Variants in YPEL2 observed in about 807,000 individuals in gnomAD.
The protein encoded by YPEL2 is protein yippee-like 2.
Under a neutral mutation model 19.1 loss-of-function variants are expected in YPEL2, and 2 were observed. That is an observed-to-expected ratio of 0.10 (90% CI 0.04 to 0.33). The LOEUF (loss-of-function observed/expected upper bound fraction) is 0.33, where lower values mean the gene tolerates loss of function less well. Ranked by LOEUF, YPEL2 falls within the 10% of genes least tolerant of loss-of-function variation. The pLI, the probability that YPEL2 is intolerant of heterozygous loss-of-function variation, is 1.00. For missense variants in YPEL2, 66 were observed against 140.7 expected, an observed-to-expected ratio of 0.47 and a Z score of 2.68; for synonymous variants, 52 against 50.0, an observed-to-expected ratio of 1.04 and a Z score of -0.17.
At chr17:59,372,660 G>T (rs975196700) in intron 2 of YPEL2, among the ~76,000 whole-genome samples, 1 of 152,322 alleles carries the variant, frequency 6.6e-6, no homozygotes, top group Middle Eastern at 3.4e-3. Flanking sequence ...AGAATGCCCT[G>T]TGTTTAGATG....
intron 2 of YPEL2, among the ~76,000 whole-genome samples, chr17:59,379,856 T>TTTTTGTTTTGTTTTGTTTTGTTTTG (rs138395997): frequency 0.059 from 8,848 of 149,258 alleles, 659 homozygotes; most frequent in African/African-American, 0.16. Context: ...AAGTTTGGGG[T>TTTTTGTTTTGTTTTGTTTTGTTTTG]TTTTGTTTTG....
chr17:59,376,796 G>C (rs1380808763), intron 2 of YPEL2, among the ~76,000 whole-genome samples: 2 of 151,620 alleles, frequency 1.3e-5, no homozygotes, highest in East Asian at 3.9e-4. Flanking sequence ...TTGCTTATTA[G>C]AAAATAGTCA....
At chr17:59,343,360 G>C in intron 1 of YPEL2, among the ~76,000 whole-genome samples, 1 of 152,178 alleles carries the variant, frequency 6.6e-6, no homozygotes, top group Non-Finnish European at 1.5e-5. Flanking sequence ...GACACTACTG[G>C]GGGTGGGGTT....
At chr17:59,385,579 A>T (rs1357816086) in intron 2 of YPEL2, among the ~76,000 whole-genome samples, 1 of 152,074 alleles carries the variant, frequency 6.6e-6, no homozygotes, top group Non-Finnish European at 1.5e-5. Flanking sequence ...CCTTGTCTCA[A>T]AAAAAGATTC....
Position 59,399,919 on chromosome 17 carries a change from A to AGGGGCGGGGTGTGGGGAGTC in YPEL2, c.*2730_*2731insGGGCGGGGTGTGGGGAGTCG, listed in dbSNP as rs2048061591. 6.6e-6 allele frequency: 1 copy of AGGGGCGGGGTGTGGGGAGTC among 152,560 alleles called. No individual in the cohort carries two copies. Among genetic ancestry groups the AGGGGCGGGGTGTGGGGAGTC allele is most frequent in the East Asian group, 1.9e-4 (1 of 5,196 alleles). The allele number at this position is 152,560 out of a possible 1,614,324, so 9.5% of individuals were successfully genotyped here. ...AGTTTGGGGGCGGGGTGTTGGGAGT[A>AGGGGCGGGGTGTGGGGAGTC]GAGACAGGGTAAGGGGACGTGAGAA... On this transcript the variant is annotated 3_prime_UTR_variant, in exon 5 of 5. Transcript: ENST00000312655.
chr17:59,348,361 C>A (rs1337923639), intron 1 of YPEL2, among the ~76,000 whole-genome samples: 1 of 152,212 alleles, frequency 6.6e-6, no homozygotes, highest in Non-Finnish European at 1.5e-5. Flanking sequence ...TCATTCCTCA[C>A]GTTCCTTTGT....
chr17:59,393,667 G>T (rs1457090296), intron 4 of YPEL2, among the ~76,000 whole-genome samples: 1 of 147,162 alleles, frequency 6.8e-6, no homozygotes, highest in African/African-American at 2.5e-5. Context: ...GCGGCCTTCC[G>T]CAGTGTTTGT....
rs549975827 is a variant in YPEL2, at chr17:59,401,618, T to G, written c.*4428T>G. The G allele has an allele frequency of 6.5e-6, 1 of 152,800 alleles. No homozygotes were observed. The highest frequency in any genetic ancestry group is 2.1e-4 in the South Asian group (1 of 4,826). 9.5% of individuals were successfully genotyped at this position (152,800 alleles called of 1,614,324 possible). A position where few individuals can be genotyped will look rare whatever the true frequency, so the allele number is the denominator to read the frequency against. On this transcript the variant is annotated 3_prime_UTR_variant, in exon 5 of 5. Coordinates refer to ENST00000312655, the MANE Select transcript of YPEL2 (RefSeq NM_001005404.4). The stretch of plus-strand genomic sequence containing the variant: ...GTTTTCAAATAATTTGTCTTCACCT[T>G]TTCCTGTATTTGTACATAGTGATTC...
intron 2 of YPEL2, among the ~76,000 whole-genome samples, chr17:59,374,984 C>T (rs1416465555): frequency 6.6e-6 from 1 of 152,074 alleles, no homozygotes; most frequent in African/African-American, 2.4e-5. Flanking sequence ...TGTTACAGTG[C>T]CAAGGATCTA....
intron 4 of YPEL2, among the ~76,000 whole-genome samples, chr17:59,390,961 T>TC (rs1232133991): frequency 1.3e-5 from 2 of 152,222 alleles, no homozygotes; most frequent in Non-Finnish European, 2.9e-5. Flanking sequence ...AACACTTAGG[T>TC]CATCACCTTG....
At chr17:59,340,455 G>A (rs1382613085) in intron 1 of YPEL2, among the ~76,000 whole-genome samples, 3 of 149,182 alleles carry the variant, frequency 2.0e-5, no homozygotes, top group Non-Finnish European at 4.4e-5. Flanking sequence ...TTGCTCTGTC[G>A]CCCAGGCTGG....
intron 2 of YPEL2, among the ~76,000 whole-genome samples, chr17:59,356,699 G>A (rs764579341): frequency 3.3e-5 from 5 of 152,218 alleles, no homozygotes; most frequent in Non-Finnish European, 7.3e-5. Context: ...ATAAACCACA[G>A]AAGTTTATTT....
rs1354409012 is a variant in YPEL2, at chr17:59,399,922, G to GA, written c.*2733dup. ...TTGGGGGCGGGGTGTTGGGAGTAGA[G>GA]ACAGGGTAAGGGGACGTGAGAAAGG... On this transcript the variant is annotated 3_prime_UTR_variant, in exon 5 of 5. Coordinates refer to ENST00000312655, the MANE Select transcript of YPEL2 (RefSeq NM_001005404.4). 2 of 152,602 alleles carry GA rather than the reference G, an allele frequency of 1.3e-5. No homozygotes were observed. The highest frequency in any genetic ancestry group is 3.9e-4 in the East Asian group (2 of 5,192). 9.5% of individuals were successfully genotyped at this position (152,602 alleles called of 1,614,324 possible). A position where few individuals can be genotyped will look rare whatever the true frequency, so the allele number is the denominator to read the frequency against.
Position 59,353,493 on chromosome 17 carries a change from T to C in YPEL2, c.84T>C (p.Ala28=). ...HRTYSCIHCR[A]HLANHDELIS... Reference sequence around the variant, plus strand: ...CCTACAGCTGCATTCACTGCAGAGCTCACTTGGCCAATCATGATGAACTAA... The same window carrying C: ...CCTACAGCTGCATTCACTGCAGAGCCCACTTGGCCAATCATGATGAACTAA... The change falls in exon 2 of 5, where the codon GCT becomes GCC. Residue 28 remains alanine (A), a synonymous_variant. Coordinates refer to ENST00000312655, the MANE Select transcript of YPEL2 (RefSeq NM_001005404.4). The surrounding 1 kb of genome is among the most constrained non-coding windows in gnomAD (Gnocchi z 4.8). 1 of 1,614,174 alleles carries C rather than the reference T, an allele frequency of 6.2e-7. No homozygotes were observed. Among genetic ancestry groups the C allele is most frequent in the Non-Finnish European group, 8.5e-7 (1 of 1,180,000 alleles).
chr17:59,348,250 A>T (rs1404009024), intron 1 of YPEL2, among the ~76,000 whole-genome samples: 1 of 152,250 alleles, frequency 6.6e-6, no homozygotes, highest in Non-Finnish European at 1.5e-5. Context: ...CCTTGGGGCC[A>T]GCCTTGTCTC....
chr17:59,368,363 C>T (rs185186766), intron 2 of YPEL2, among the ~76,000 whole-genome samples: 135 of 152,274 alleles, frequency 8.9e-4, no homozygotes, highest in Non-Finnish European at 1.6e-3. Flanking sequence ...GGATTGCAGG[C>T]GTGAACCGTG....
At chr17:59,379,310 T>C (rs1011792079) in intron 2 of YPEL2, among the ~76,000 whole-genome samples, 3 of 152,212 alleles carry the variant, frequency 2.0e-5, no homozygotes, top group African/African-American at 7.2e-5. Flanking sequence ...GAATGGAACC[T>C]ATAGCTTACT....
At position 59,353,240 on chromosome 17, in the gene YPEL2, C is replaced by T. The variant is rs1030629790; in HGVS notation, c.-170C>T. ...GCTGCTGAGAACTAGCCCTAGACCT[C>T]TGCGTGAGGGTTCTTCTGCCGAAGA... On this transcript the variant is annotated 5_prime_UTR_variant, in exon 2 of 5. Coordinates refer to ENST00000312655, the MANE Select transcript of YPEL2 (RefSeq NM_001005404.4). The surrounding 1 kb of genome is among the most constrained non-coding windows in gnomAD (Gnocchi z 4.8). 2 of 579,178 alleles carry T rather than the reference C, an allele frequency of 3.5e-6. No homozygotes were observed. The highest frequency in any genetic ancestry group is 4.6e-4 in the Middle Eastern group (1 of 2,160). 35.9% of individuals were successfully genotyped at this position (579,178 alleles called of 1,614,324 possible). A position where few individuals can be genotyped will look rare whatever the true frequency, so the allele number is the denominator to read the frequency against.
intron 1 of YPEL2, among the ~76,000 whole-genome samples, chr17:59,332,111 C>T (rs1567724382): frequency 6.6e-6 from 1 of 152,064 alleles, no homozygotes; most frequent in Non-Finnish European, 1.5e-5. Context: ...GAGACGCGCG[C>T]CAGGGGCTGG....
Sources: gnomAD v4.1 joint callset for allele counts (sites outside exome capture counted in the v4.1 genomes callset) on GRCh38, gnomAD v4.1.1 for gene constraint, Gnocchi (gnomAD v3.1) non-coding constraint, MANE v1.5 for transcripts, NCBI Gene and HGNC (gene_info 2026-07-23, HGNC 2026-07-21) for gene names.